The following DAB1 variants were observed in gnomAD, a reference collection of about 807,000 sequenced individuals.
The protein encoded by DAB1 is disabled homolog 1.
DAB1 carries 15 observed loss-of-function variants against 64.6 expected under a neutral mutation model. The ratio of observed to expected loss-of-function variants is 0.23; its 90% CI spans 0.16 to 0.36. DAB1 has a LOEUF of 0.36. DAB1 is among the 10% of genes least tolerant of loss of function. The pLI is 1.00. For synonymous variants in DAB1, 235 were observed against 251.9 expected (o/e 0.93, Z 0.64); for missense variants, 596 against 706.7 (o/e 0.84, Z 1.78).
intron 5 of DAB1, among the ~76,000 whole-genome samples, chr1:57,926,717 C>T (rs1003904620): frequency 6.6e-6 from 1 of 152,144 alleles, no homozygotes; most frequent in Admixed American, 6.5e-5. Context: ...TTACAGATGG[C>T]CTCTACTTAC....
intron 4 of DAB1, among the ~76,000 whole-genome samples, chr1:58,277,030 T>C (rs1236031789): frequency 7.7e-6 from 1 of 130,430 alleles, no homozygotes; most frequent in Non-Finnish European, 1.5e-5. Context: ...GCAGAGACTT[T>C]TTTTTTCTTT....
intron 4 of DAB1, among the ~76,000 whole-genome samples, chr1:58,248,188 G>GT (rs1045998979): frequency 6.6e-5 from 10 of 152,138 alleles, no homozygotes; most frequent in Non-Finnish European, 1.3e-4. Flanking sequence ...CTGCACACCA[G>GT]TATCACCAGG....
intron 6 of DAB1, among the ~76,000 whole-genome samples, chr1:57,722,371 C>A (rs1647162088): frequency 6.6e-6 from 1 of 152,154 alleles, no homozygotes; most frequent in African/African-American, 2.4e-5. Context: ...GAAGACATAC[C>A]TGGGTTATTC....
intron 5 of DAB1, among the ~76,000 whole-genome samples, chr1:58,030,261 C>G (rs537592650): frequency 7.9e-5 from 12 of 152,066 alleles, no homozygotes; most frequent in Non-Finnish European, 1.8e-4. Context: ...TTACTAAAAA[C>G]AAGCAAAGAA....
rs1259108795 is a variant in DAB1, at chr1:57,178,495, A to C, written c.68-33066T>G. ...AGGAAATTAGGAAAATAGAATATGC[A>C]TTGTGCCAGCATTTACATGAAATTT... On this transcript the variant is annotated intron_variant, in intron 2 of 14. Coordinates refer to ENST00000371236, the MANE Select transcript of DAB1 (RefSeq NM_001365792.1). Among the ~76,000 whole-genome samples the C allele has an allele frequency of 3.3e-5, 5 of 152,324 alleles. No homozygotes were observed. In the East Asian group the frequency reaches 9.6e-4, roughly 29 times the overall value.
chr1:57,019,076 A>G (rs1055380806), intron 11 of DAB1, among the ~76,000 whole-genome samples: 1 of 152,110 alleles, frequency 6.6e-6, no homozygotes, highest in African/African-American at 2.4e-5. Flanking sequence ...GCTCACCTCT[A>G]TCATGACACT....
In DAB1 at chr1:57,453,661, C is replaced by T. The variant is rs550896568; in HGVS notation, n.626-162495G>A. On this transcript the variant is annotated intron_variant and non_coding_transcript_variant, in intron 7 of 20. Transcript: ENST00000485760. ...GGATAACAACAGAAATTAATTTTCT[C>T]ATTTAATCAGCTTCTTTGTTAATTC... Among the ~76,000 whole-genome samples the T allele has an allele frequency of 2.0e-5, 3 of 152,236 alleles. No homozygotes were observed. The East Asian group carries it at 5.8e-4, about 29-fold the overall frequency.
chr1:57,970,895 CTA>C (rs1215802278), intron 5 of DAB1, among the ~76,000 whole-genome samples: 2 of 152,128 alleles, frequency 1.3e-5, no homozygotes, highest in African/African-American at 4.8e-5. Context: ...ACTTCATTGA[CTA>C]TGTAGATTGA....
At chr1:58,139,284 G>A (rs1654144727) in intron 5 of DAB1, among the ~76,000 whole-genome samples, 1 of 152,114 alleles carries the variant, frequency 6.6e-6, no homozygotes, top group Admixed American at 6.5e-5. Flanking sequence ...CACCCATGAT[G>A]TTTACTGTAT....
chr1:57,678,727 G>A (rs1032550305), intron 6 of DAB1, among the ~76,000 whole-genome samples: 1 of 148,510 alleles, frequency 6.7e-6, no homozygotes, highest in African/African-American at 2.5e-5. Context: ...TATTTTCCAT[G>A]TATCTTCTCT....
chr1:57,181,451 C>T (rs7548633), intron 2 of DAB1, among the ~76,000 whole-genome samples: 55,471 of 151,994 alleles, frequency 0.36, 10,697 homozygotes, highest in Non-Finnish European at 0.42. Flanking sequence ...ACACTATCAT[C>T]GAACACTTAT....
chr1:57,284,212 G>A (rs942569100), intron 2 of DAB1, among the ~76,000 whole-genome samples: 5 of 152,126 alleles, frequency 3.3e-5, no homozygotes, highest in Non-Finnish European at 7.3e-5. Flanking sequence ...CAGCAAAGTA[G>A]AAACACAATA....
At chr1:57,613,667 A>C (rs543422140) in intron 7 of DAB1, among the ~76,000 whole-genome samples, 1 of 152,336 alleles carries the variant, frequency 6.6e-6, no homozygotes, top group South Asian at 2.1e-4. Context: ...CTGCAAGAGA[A>C]ACAGGAAATT....
intron 4 of DAB1, among the ~76,000 whole-genome samples, chr1:58,316,502 T>C (rs1209405634): frequency 6.6e-6 from 1 of 152,052 alleles, no homozygotes; most frequent in Non-Finnish European, 1.5e-5. Context: ...GTCTCTGCCC[T>C]TGTGGTGCTC....
chr1:57,365,243 ATATT>A (rs938458821), intron 1 of DAB1, among the ~76,000 whole-genome samples: 3 of 142,230 alleles, frequency 2.1e-5, no homozygotes, highest in African/African-American at 7.6e-5. Flanking sequence ...ATATATAAAC[ATATT>A]TATATATTAT....
intron 4 of DAB1, among the ~76,000 whole-genome samples, chr1:58,178,781 G>C (rs537926298): frequency 9.9e-5 from 15 of 152,106 alleles, no homozygotes; most frequent in Admixed American, 3.3e-4. Flanking sequence ...CTTGTTTGTG[G>C]GCTGTACACA....
chr1:57,856,533 C>T (rs552099459), intron 1 of DAB1, among the ~76,000 whole-genome samples: 303 of 152,164 alleles, frequency 2.0e-3, no homozygotes, highest in Non-Finnish European at 3.3e-3. Flanking sequence ...GAGGCCGAGG[C>T]GAGCAGGTCA....
intron 7 of DAB1, among the ~76,000 whole-genome samples, chr1:57,457,623 C>T (rs986731890): frequency 1.6e-4 from 25 of 151,906 alleles, no homozygotes; most frequent in East Asian, 3.9e-4. Flanking sequence ...AGAGGATGGA[C>T]GGAGGTGAAC....
intron 1 of DAB1, among the ~76,000 whole-genome samples, chr1:57,409,953 C>T (rs1400935726): frequency 1.3e-5 from 2 of 152,180 alleles, no homozygotes; most frequent in African/African-American, 4.8e-5. Flanking sequence ...AAAACTTCCT[C>T]CCCCACTGAA....
Sources: allele counts gnomAD v4.1 joint callset (sites outside exome capture counted in the v4.1 genomes callset), GRCh38; gene constraint gnomAD v4.1.1; transcripts MANE v1.5; gene names NCBI Gene and HGNC (gene_info 2026-07-23, HGNC 2026-07-21).